The following DAAM1 variants were observed in gnomAD, a reference collection of about 807,000 sequenced individuals.
DAAM1 encodes disheveled-associated activator of morphogenesis 1.
A neutral mutation model predicts 130.0 loss-of-function variants in DAAM1; 52 were observed. The ratio of observed to expected loss-of-function variants is 0.40; its 90% CI spans 0.32 to 0.50. The LOEUF (loss-of-function observed/expected upper bound fraction) is 0.50, where lower values mean the gene tolerates loss of function less well. Among genes scored for constraint, DAAM1 ranks in the 20% least tolerant of loss-of-function variants. The pLI, the probability that DAAM1 is intolerant of heterozygous loss-of-function variation, is 0.61. For missense variants in DAAM1, 1,134 were observed against 1,303.8 expected, an observed-to-expected ratio of 0.87 and a Z score of 2.01; for synonymous variants, 452 against 444.5, an observed-to-expected ratio of 1.02 and a Z score of -0.21.
intron 1 of DAAM1, among the ~76,000 whole-genome samples, chr14:59,220,000 A>G (rs1888719654): frequency 4.6e-5 from 7 of 152,148 alleles, no homozygotes; most frequent in Admixed American, 4.6e-4. Context: ...GGATGTAGCT[A>G]TTGGTTTCGA....
intron 15 of DAAM1, among the ~76,000 whole-genome samples, chr14:59,334,822 A>C (rs1358255205): frequency 6.6e-6 from 1 of 152,180 alleles, no homozygotes; most frequent in South Asian, 2.1e-4. Flanking sequence ...AAATGTGTTA[A>C]ATTTTTGCAC....
At chr14:59,320,427 T>C in intron 4 of DAAM1, 63 bp from the exon 5 acceptor site, 1 of 1,309,618 alleles carries the variant, frequency 7.6e-7, no homozygotes, top group Non-Finnish European at 1.1e-6. Flanking sequence ...TGTAGGTTTG[T>C]CTTGTTTGTA....
intron 1 of DAAM1, among the ~76,000 whole-genome samples, chr14:59,236,108 C>T (rs1317704292): frequency 6.6e-6 from 1 of 152,026 alleles, no homozygotes; most frequent in African/African-American, 2.4e-5. Context: ...CTTATTTATT[C>T]ATTCATTTAT....
chr14:59,331,102 G>A lies in DAAM1; in HGVS notation c.1561-107G>A. On this transcript the variant is annotated intron_variant, in intron 13 of 24. Coordinates refer to ENST00000360909, the MANE Select transcript of DAAM1 (RefSeq NM_001270520.2). ...CGATCCTTTAAACATTCTCAGAAGG[G>A]TGAATTTCTCTATAATAAACATTTT... The A allele has an allele frequency of 2.0e-6, 3 of 1,510,830 alleles. No individual in the cohort carries two copies. In the South Asian group the frequency reaches 4.0e-5, roughly 20 times the overall value. The allele number at this position is 1,510,830 out of a possible 1,614,324, so 93.6% of individuals were successfully genotyped here.
chr14:59,317,265 G>A (rs1884828264), intron 4 of DAAM1, among the ~76,000 whole-genome samples: 1 of 152,172 alleles, frequency 6.6e-6, no homozygotes, highest in South Asian at 2.1e-4. Flanking sequence ...AAAGGTAAAA[G>A]GCATTAATAG....
chr14:59,327,033 T>C (rs760623014), intron 12 of DAAM1, 42 bp downstream of exon 12: 1 of 1,605,086 alleles, frequency 6.2e-7, no homozygotes, highest in Non-Finnish European at 8.5e-7. Flanking sequence ...TTATTGGTTA[T>C]TGGGTGACCT....
intron 1 of DAAM1, among the ~76,000 whole-genome samples, chr14:59,250,534 G>A (rs1031924474): frequency 6.6e-6 from 1 of 152,144 alleles, no homozygotes; most frequent in South Asian, 2.1e-4. Flanking sequence ...TTATTGAGGT[G>A]TATACTTAGA....
rs558039177 is a variant in DAAM1 at position 59,306,701 on chromosome 14, A to G, written c.274-8579A>G. On this transcript the variant is annotated intron_variant, in intron 3 of 24. Coordinates refer to ENST00000360909, the MANE Select transcript of DAAM1 (RefSeq NM_001270520.2). Reference sequence around the variant, plus strand: ...TGAGTTCACAGCTTTTTTTTTTTTAATCAATAATGCAGGAAGACTTAGTAA... The same window carrying G: ...TGAGTTCACAGCTTTTTTTTTTTTAGTCAATAATGCAGGAAGACTTAGTAA... Among the ~76,000 whole-genome samples, 3 of 150,964 alleles carry G rather than the reference A, an allele frequency of 2.0e-5. No individual in the cohort carries two copies. In the East Asian group the frequency reaches 5.8e-4, roughly 29 times the overall value.
At chr14:59,300,495 A>C (rs1285201314) in intron 3 of DAAM1, among the ~76,000 whole-genome samples, 1 of 152,232 alleles carries the variant, frequency 6.6e-6, no homozygotes, top group Non-Finnish European at 1.5e-5. Flanking sequence ...AGAAAAAACT[A>C]ACCTCTGATA....
chr14:59,350,474 C>T (rs1566718494), intron 17 of DAAM1, among the ~76,000 whole-genome samples: 1 of 151,900 alleles, frequency 6.6e-6, no homozygotes, highest in Admixed American at 6.6e-5. Flanking sequence ...CACACACACA[C>T]ACACACGTCT....
chr14:59,262,653 AGTGTGTGTGTGT>A (rs5809025), intron 1 of DAAM1, among the ~76,000 whole-genome samples: 18,907 of 140,762 alleles, frequency 0.13, 1,283 homozygotes, highest in African/African-American at 0.18. Flanking sequence ...ATATTCTATT[AGTGTGTGTGTGT>A]GTGTGTGTGT....
intron 3 of DAAM1, among the ~76,000 whole-genome samples, chr14:59,305,186 T>C (rs777546943): frequency 1.5e-4 from 23 of 152,234 alleles, no homozygotes; most frequent in Non-Finnish European, 2.9e-4. Flanking sequence ...CCTGGGTCTT[T>C]AGCACTCCAT....
intron 3 of DAAM1, among the ~76,000 whole-genome samples, chr14:59,311,815 A>G (rs1432293114): frequency 2.6e-5 from 4 of 152,160 alleles, no homozygotes; most frequent in South Asian, 4.1e-4. Flanking sequence ...CAGCCTCCTG[A>G]GTAGCTAGGG....
chr14:59,366,621 T>G (rs531042992), intron 23 of DAAM1, among the ~76,000 whole-genome samples: 16 of 152,342 alleles, frequency 1.1e-4, no homozygotes, highest in Non-Finnish European at 2.1e-4. Flanking sequence ...TCATCATACA[T>G]GTTAAGCTCA....
At chr14:59,301,335 G>A (rs1884163601) in intron 3 of DAAM1, among the ~76,000 whole-genome samples, 1 of 151,928 alleles carries the variant, frequency 6.6e-6, no homozygotes, top group Admixed American at 6.5e-5. Context: ...GTATATTGAG[G>A]TCTAGATGAG....
intron 2 of DAAM1, among the ~76,000 whole-genome samples, chr14:59,270,033 A>C (rs886241991): frequency 6.6e-6 from 1 of 152,230 alleles, no homozygotes; most frequent in East Asian, 1.9e-4. Context: ...AGATTTTTTC[A>C]GTGAACCAAA....
At chr14:59,363,213 A>G (rs1042804359) in intron 22 of DAAM1, 3 of 173,822 alleles carry the variant, frequency 1.7e-5, no homozygotes, top group African/African-American at 7.2e-5. Context: ...TTAAGAAGTA[A>G]ATAGACTTGG....
chr14:59,298,427 C>T (rs1253019), intron 3 of DAAM1, among the ~76,000 whole-genome samples: 20,903 of 152,118 alleles, frequency 0.14, 1,612 homozygotes, highest in Middle Eastern at 0.2. Flanking sequence ...TTTTTTTAAG[C>T]ACCGTTTACC....
At chr14:59,302,163 T>C (rs12587292) in intron 3 of DAAM1, among the ~76,000 whole-genome samples, 47,766 of 152,034 alleles carry the variant, frequency 0.31, 8,885 homozygotes, top group East Asian at 0.56. Flanking sequence ...AATTCCGGAA[T>C]ATCCAAGCAC....
Sources: gnomAD v4.1 joint callset for allele counts (sites outside exome capture counted in the v4.1 genomes callset) on GRCh38, gnomAD v4.1.1 for gene constraint, MANE v1.5 for transcripts, NCBI Gene and HGNC (gene_info 2026-07-23, HGNC 2026-07-21) for gene names.